SLC25A53: variants seen among roughly 807,000 people sequenced by gnomAD.
SLC25A53 encodes mitochondrial carrier triple repeat protein 6.
SLC25A53 carries 5 observed loss-of-function variants against 15.0 expected under a neutral mutation model. The ratio of observed to expected loss-of-function variants is 0.33; its 90% CI spans 0.17 to 0.70. The LOEUF is 0.70. SLC25A53 is among the 30% of genes least tolerant of loss of function. The pLI is 0.67. For synonymous variants in SLC25A53, 95 were observed against 100.0 expected, an observed-to-expected ratio of 0.95 and a Z score of 0.30; for missense variants, 216 against 241.6, an observed-to-expected ratio of 0.89 and a Z score of 0.70.
chrX:104,108,438 A>C (rs2075322947), intron 1 of SLC25A53, among the ~76,000 whole-genome samples: 1 of 111,531 alleles, frequency 9.0e-6, no homozygotes, highest in Admixed American at 9.5e-5. Flanking sequence ...CACAGAACGC[A>C]TGCTCCTTCT....
chrX:104,111,566 C>G (rs782560332), intron 1 of SLC25A53, among the ~76,000 whole-genome samples: 1 of 111,407 alleles, frequency 9.0e-6, no homozygotes, highest in Admixed American at 9.5e-5. Context: ...GTTTCCTCTT[C>G]TGTACAATGG....
intron 1 of SLC25A53, among the ~76,000 whole-genome samples, chrX:104,140,564 T>C (rs904065710): frequency 1.8e-5 from 2 of 111,541 alleles, no homozygotes; most frequent in Non-Finnish European, 3.8e-5. Context: ...CCCTGGTCTC[T>C]CCAATTACCC....
intron 1 of SLC25A53, among the ~76,000 whole-genome samples, chrX:104,116,740 A>G (rs888157431): frequency 2.7e-5 from 3 of 111,232 alleles, no homozygotes; most frequent in Non-Finnish European, 3.8e-5. Context: ...AAGGAGCCCA[A>G]TGCAGCCTTC....
At chrX:104,131,684 T>C (rs781793969) in intron 1 of SLC25A53, among the ~76,000 whole-genome samples, 4 of 111,437 alleles carry the variant, frequency 3.6e-5, no homozygotes, top group Non-Finnish European at 7.5e-5. Context: ...GGCTCTCCCC[T>C]TATCTACTGG....
chrX:104,129,843 T>C (rs1034792447), intron 1 of SLC25A53, among the ~76,000 whole-genome samples: 2 of 86,933 alleles, frequency 2.3e-5, no homozygotes, highest in East Asian at 3.6e-4. Flanking sequence ...CAAACACATA[T>C]ATATCCACAC....
intron 1 of SLC25A53, among the ~76,000 whole-genome samples, chrX:104,155,432 T>C (rs1361962502): frequency 9.0e-6 from 1 of 111,549 alleles, no homozygotes; most frequent in Non-Finnish European, 1.9e-5. Context: ...GGATGGGACC[T>C]AGCAATCTTG....
intron 1 of SLC25A53, among the ~76,000 whole-genome samples, chrX:104,119,856 AAAAC>A (rs782191113): frequency 6.2e-5 from 7 of 112,134 alleles, no homozygotes; most frequent in Middle Eastern, 4.6e-3. Flanking sequence ...AAAACAAAAC[AAAAC>A]ACTCTCATGA....
chrX:104,117,180 A>C, intron 1 of SLC25A53, among the ~76,000 whole-genome samples: 1 of 90,068 alleles, frequency 1.1e-5, no homozygotes, highest in Non-Finnish European at 2.1e-5. Context: ...CCACAATCTC[A>C]TTCATATCCC....
chrX:104,131,008 GT>G (rs2075424387), intron 1 of SLC25A53: 1 of 111,843 alleles, frequency 8.9e-6, no homozygotes, highest in Non-Finnish European at 1.9e-5. Context: ...GAATTCTCCT[GT>G]CCCACGTGGC....
chrX:104,122,305 T>G (rs1195924780), intron 1 of SLC25A53, among the ~76,000 whole-genome samples: 1 of 77,736 alleles, frequency 1.3e-5, no homozygotes, highest in Non-Finnish European at 2.4e-5. Flanking sequence ...CTTTTTTTTG[T>G]TTTTTTTTTT....
rs1556354629 is a variant in SLC25A53, at chrX:104,104,482, C to A, written c.776G>T (p.Trp259Leu). 1 of 1,212,118 alleles carries A rather than the reference C, an allele frequency of 8.3e-7. No individual in the cohort carries two copies. The highest frequency in any genetic ancestry group is 1.1e-6 in the Non-Finnish European group (1 of 895,580). The change falls in exon 2 of 2, where the codon TGG becomes TTG. Residue 259 changes from tryptophan to leucine, a missense_variant. Transcript: ENST00000594199. ...GAGCAGCTTTCGGCCCCGAGTGTTC[C>A]ATACATCCTGGGCAGAGGCCCACAG... is the stretch of plus-strand genomic sequence containing the variant. ...PSLWASAQDVWNTRGRKLLLI... is the reference protein window; with the variant it reads ...PSLWASAQDVLNTRGRKLLLI...
chrX:104,122,317 G>GT (rs200042372), intron 1 of SLC25A53, among the ~76,000 whole-genome samples: 30,009 of 75,020 alleles, frequency 0.4, 5,122 homozygotes, highest in Admixed American at 0.5. Flanking sequence ...TTTTTTTTTT[G>GT]TTTTTTTTTT....
intron 1 of SLC25A53, among the ~76,000 whole-genome samples, chrX:104,111,521 T>TA (rs1174003071): frequency 4.5e-5 from 5 of 110,616 alleles, no homozygotes; most frequent in African/African-American, 1.3e-4. Context: ...AAAAGATTAA[T>TA]AAAAAAAATG....
chrX:104,122,372 T>C (rs1034482026), intron 1 of SLC25A53, among the ~76,000 whole-genome samples: 1 of 101,587 alleles, frequency 9.8e-6, no homozygotes, highest in Non-Finnish European at 2.0e-5. Flanking sequence ...TGCAGTGGTG[T>C]GATTTCTTCT....
chrX:104,140,595 C>A (rs1388816252), intron 1 of SLC25A53, among the ~76,000 whole-genome samples: 8 of 111,393 alleles, frequency 7.2e-5, no homozygotes, highest in Non-Finnish European at 9.4e-5. Flanking sequence ...TGGTCTCTCC[C>A]AAATTCATTC....
intron 1 of SLC25A53, among the ~76,000 whole-genome samples, chrX:104,128,742 A>G (rs1556364923): frequency 9.1e-6 from 1 of 110,364 alleles, no homozygotes; most frequent in Admixed American, 9.7e-5. Context: ...ACTCCAAAAC[A>G]CACACACACA....
chrX:104,156,306 T>C (rs2075500988), intron 1 of SLC25A53, among the ~76,000 whole-genome samples: 1 of 111,259 alleles, frequency 9.0e-6, no homozygotes, highest in South Asian at 3.8e-4. Flanking sequence ...ACACAGGATC[T>C]ATCTCTGTCT....
intron 1 of SLC25A53, chrX:104,112,193 T>C (rs1265993471): frequency 1.8e-5 from 2 of 112,853 alleles, no homozygotes; most frequent in Non-Finnish European, 3.7e-5. Flanking sequence ...GGTGAGGAAC[T>C]CTCATTGTTC....
At chrX:104,139,090 C>T (rs913997775) in intron 1 of SLC25A53, among the ~76,000 whole-genome samples, 2 of 112,969 alleles carry the variant, frequency 1.8e-5, no homozygotes, top group Non-Finnish European at 3.7e-5. Flanking sequence ...ACACTCTTCC[C>T]TCCTTCCATA....
Sources: gnomAD v4.1 joint callset for allele counts (sites outside exome capture counted in the v4.1 genomes callset) on GRCh38, gnomAD v4.1.1 for gene constraint, MANE v1.5 for transcripts, NCBI Gene and HGNC (gene_info 2026-07-23, HGNC 2026-07-21) for gene names.